The following MCPH1 variants were observed in gnomAD, a reference collection of about 807,000 sequenced individuals.
MCPH1 encodes the protein microcephalin 1, also known as microcephalin.
MCPH1 carries 104 observed loss-of-function variants against 84.5 expected under a neutral mutation model. The ratio of observed to expected loss-of-function variants is 1.23; its 90% CI spans 1.05 to 1.45. MCPH1 has a LOEUF of 1.45. Ranked by LOEUF, MCPH1 falls within the 40% of genes most tolerant of loss-of-function variation. The probability of loss-of-function intolerance (pLI) is 0.00; values close to 1 mark genes in which losing one functional copy is unlikely to be tolerated. For missense variants in MCPH1, 1,498 were observed against 1,005.7 expected, an observed-to-expected ratio of 1.49 and a Z score of -6.62; for synonymous variants, 514 against 366.8, an observed-to-expected ratio of 1.40 and a Z score of -4.58.
At chr8:6,621,784 G>A (rs1382233385) in intron 13 of MCPH1, 93 bp downstream of exon 13, 22 of 1,542,218 alleles carry the variant, frequency 1.4e-5, no homozygotes, top group Non-Finnish European at 1.9e-5. Flanking sequence ...CCCCTTCCAC[G>A]CAGCTGGGGC....
At chr8:6,495,881 C>G (rs890593530) in intron 11 of MCPH1, among the ~76,000 whole-genome samples, 1 of 152,140 alleles carries the variant, frequency 6.6e-6, no homozygotes, top group Non-Finnish European at 1.5e-5. Context: ...GACTGTGGGA[C>G]AAGTTTCTAA....
chr8:6,621,562 C>G lies in MCPH1; in HGVS notation c.2323C>G (p.Leu775Val), dbSNP rs747607937. Residue 775 changes from leucine (L) to valine (V), a missense_variant, in exon 13 of 14, where the codon CTC (leucine) becomes GTC (valine). Physicochemically the swap from Leu to Val is conservative, Grantham distance 32. Coordinates refer to ENST00000344683, the MANE Select transcript of MCPH1 (RefSeq NM_024596.5). ...TGCCAGCAGCCCCCCAGTGGCCAAG[C>G]TCTGTGAACTAGTCCACCTGTGCGG... The part of the protein sequence containing the change: ...SPASSPPVAK[L>V]CELVHLCGGR... 8 of 1,614,234 alleles carry G rather than the reference C, an allele frequency of 5.0e-6. No homozygotes were observed. The highest frequency in any genetic ancestry group is 5.1e-6 in the Non-Finnish European group (6 of 1,180,046).
intron 9 of MCPH1, among the ~76,000 whole-genome samples, chr8:6,460,301 T>C (rs1243227964): frequency 6.6e-6 from 1 of 152,174 alleles, no homozygotes; most frequent in African/African-American, 2.4e-5. Flanking sequence ...TTGACTCTTT[T>C]TAAGTCTATT....
At chr8:6,502,493 A>T (rs1812386701) in intron 12 of MCPH1, 1 of 152,238 alleles carries the variant, frequency 6.6e-6, no homozygotes, top group Admixed American at 6.5e-5. Context: ...ACATAAATGT[A>T]AATACGCTGT....
intron 9 of MCPH1, among the ~76,000 whole-genome samples, chr8:6,465,219 G>T (rs532040002): frequency 6.6e-6 from 1 of 152,330 alleles, no homozygotes; most frequent in African/African-American, 2.4e-5. Flanking sequence ...TCAATAGCTT[G>T]CTGAAGTAGC....
intron 11 of MCPH1, among the ~76,000 whole-genome samples, chr8:6,493,731 T>C (rs17077154): frequency 0.094 from 14,223 of 152,044 alleles, 1,159 homozygotes; most frequent in East Asian, 0.22. Context: ...GGATACAAAA[T>C]ATGACCGGGG....
chr8:6,621,640 A>T lies in MCPH1; in HGVS notation c.2401A>T (p.Ser801Cys), dbSNP rs45540031. 8.7e-6 allele frequency: 14 copies of T among 1,614,220 alleles called. No homozygotes were observed. Among genetic ancestry groups the T allele is most frequent in the Non-Finnish European group, 1.2e-5 (14 of 1,180,036 alleles). Residue 801 changes from serine (S) to cysteine (C), a missense_variant, in exon 13 of 14, where the codon AGC (serine) becomes TGC (cysteine). By Grantham distance (112) the Ser-to-Cys change is moderately radical (BLOSUM62 -1). Transcript: ENST00000344683. The part of the protein sequence containing the change: ...RQASIVIGPY[S>C]GKKKATVKYL... The stretch of plus-strand genomic sequence containing the variant: ...GGCCAGCATCGTCATCGGGCCCTAC[A>T]GCGGAAAGAAGAAAGCCACAGTCAA...
chr8:6,453,270 A>T (rs769531072), intron 8 of MCPH1, among the ~76,000 whole-genome samples: 1 of 152,208 alleles, frequency 6.6e-6, no homozygotes, highest in African/African-American at 2.4e-5. Flanking sequence ...ACCGATGTCA[A>T]TGTTAAAACC....
At chr8:6,421,730 C>G (rs950274377) in intron 3 of MCPH1, among the ~76,000 whole-genome samples, 1 of 152,174 alleles carries the variant, frequency 6.6e-6, no homozygotes, top group African/African-American at 2.4e-5. Flanking sequence ...CCCACGAAGC[C>G]TAAGGCATTC....
At chr8:6,488,254 C>T (rs150037240) in intron 11 of MCPH1, among the ~76,000 whole-genome samples, 6 of 152,348 alleles carry the variant, frequency 3.9e-5, no homozygotes, top group East Asian at 1.9e-4. Flanking sequence ...CCAAGGTGCG[C>T]ATTTCCCAGG....
intron 2 of MCPH1, among the ~76,000 whole-genome samples, chr8:6,412,109 C>T (rs1402936126): frequency 6.6e-6 from 1 of 152,130 alleles, no homozygotes; most frequent in Non-Finnish European, 1.5e-5. Context: ...ACCCTAAGAG[C>T]CTTGTTTGAC....
At chr8:6,586,635 G>A (rs1828007633) in intron 12 of MCPH1, among the ~76,000 whole-genome samples, 1 of 152,212 alleles carries the variant, frequency 6.6e-6, no homozygotes, top group Non-Finnish European at 1.5e-5. Flanking sequence ...GGCAAACAGT[G>A]AGAGACGGCC....
intron 12 of MCPH1, among the ~76,000 whole-genome samples, chr8:6,571,688 T>C (rs1349745026): frequency 6.6e-6 from 1 of 152,138 alleles, no homozygotes; most frequent in Non-Finnish European, 1.5e-5. Flanking sequence ...TTAAGATAAA[T>C]AAAATTGCTT....
At chr8:6,596,821 A>T (rs1487065839) in intron 12 of MCPH1, among the ~76,000 whole-genome samples, 1 of 152,202 alleles carries the variant, frequency 6.6e-6, no homozygotes, top group Admixed American at 6.5e-5. Context: ...ATGCTAAGAC[A>T]CATGCAGCGG....
chr8:6,413,051 A>G (rs779932964), intron 2 of MCPH1, among the ~76,000 whole-genome samples: 17 of 152,242 alleles, frequency 1.1e-4, no homozygotes, highest in Non-Finnish European at 1.6e-4. Context: ...TGAATGCTAT[A>G]AAAATTATGC....
At chr8:6,562,779 G>A (rs755558160) in intron 12 of MCPH1, 142 of 1,613,576 alleles carry the variant, frequency 8.8e-5, no homozygotes, top group Non-Finnish European at 1.2e-4. Flanking sequence ...AAGAGCGGCA[G>A]TTGTCCATCT....
chr8:6,470,919 G>C (rs543073291), intron 9 of MCPH1, among the ~76,000 whole-genome samples: 16 of 152,384 alleles, frequency 1.0e-4, no homozygotes, highest in African/African-American at 3.4e-4. Context: ...CTACCATCCA[G>C]TTAGCAATTA....
At chr8:6,516,800 T>A (rs1169801528) in intron 12 of MCPH1, among the ~76,000 whole-genome samples, 1 of 152,206 alleles carries the variant, frequency 6.6e-6, no homozygotes, top group African/African-American at 2.4e-5. Context: ...AAATTACTGC[T>A]ATGAAGTTAC....
At chr8:6,638,578 TAAA>T (rs60063681) in intron 13 of MCPH1, among the ~76,000 whole-genome samples, 18 of 144,994 alleles carry the variant, frequency 1.2e-4, no homozygotes, top group African/African-American at 3.3e-4. Flanking sequence ...TGCTTACATT[TAAA>T]AAAAAAAAAA....
Sources: allele counts gnomAD v4.1 joint callset (sites outside exome capture counted in the v4.1 genomes callset), GRCh38; gene constraint gnomAD v4.1.1; transcripts MANE v1.5; gene names NCBI Gene and HGNC (gene_info 2026-07-23, HGNC 2026-07-21).